Variants in PTPRT observed in about 807,000 individuals in gnomAD.
PTPRT encodes receptor-type tyrosine-protein phosphatase T.
Under a neutral mutation model 176.8 loss-of-function variants are expected in PTPRT, and 56 were observed. The observed-to-expected ratio is 0.32, with a 90% CI of 0.26 to 0.40. The LOEUF is 0.40. Ranked by LOEUF, PTPRT falls within the 10% of genes least tolerant of loss-of-function variation. The pLI, the probability that PTPRT is intolerant of heterozygous loss-of-function variation, is 1.00. For missense variants in PTPRT, 1,540 were observed against 1,908.2 expected (o/e 0.81, Z 3.60); for synonymous variants, 783 against 739.0 (o/e 1.06, Z -0.96).
chr20:43,022,179 A>C (rs1288059416), intron 1 of PTPRT, among the ~76,000 whole-genome samples: 2 of 152,242 alleles, frequency 1.3e-5, no homozygotes, highest in Admixed American at 6.5e-5. Flanking sequence ...CGAAGAATGC[A>C]TATTGGGTAA....
Position 42,784,418 on chromosome 20 carries a change from T to C in PTPRT, c.487-4119A>G, listed in dbSNP as rs577443366. Among the ~76,000 whole-genome samples the C allele has an allele frequency of 6.6e-5, 10 of 152,298 alleles. No homozygotes were observed. In the East Asian group the frequency reaches 1.9e-3, roughly 29 times the overall value. The stretch of plus-strand genomic sequence containing the variant: ...TAGAACATAAATATACATGTTTTCA[T>C]GGGGAGAGATTGTTTAGGGTAAAAT... On this transcript the variant is annotated intron_variant, in intron 3 of 30. Transcript: ENST00000373187.
chr20:42,441,892 G>A (rs760703), intron 9 of PTPRT, among the ~76,000 whole-genome samples: 25,280 of 152,150 alleles, frequency 0.17, 2,727 homozygotes, highest in Non-Finnish European at 0.22. Context: ...CCTAATTAAC[G>A]TAGATCCAGT....
At chr20:43,094,830 C>T (rs1023384866) in intron 1 of PTPRT, among the ~76,000 whole-genome samples, 34 of 152,046 alleles carry the variant, frequency 2.2e-4, no homozygotes, top group Non-Finnish European at 1.5e-5. Flanking sequence ...ATAATGAGTG[C>T]TAATAAATGG....
At chr20:42,654,189 C>G (rs141323026) in intron 7 of PTPRT, among the ~76,000 whole-genome samples, 29 of 152,134 alleles carry the variant, frequency 1.9e-4, no homozygotes, top group Admixed American at 1.1e-3. Flanking sequence ...GGGATGCTCC[C>G]CATTGCTGTC....
intron 7 of PTPRT, among the ~76,000 whole-genome samples, chr20:42,514,186 G>T (rs1286629669): frequency 6.6e-6 from 1 of 152,086 alleles, no homozygotes; most frequent in African/African-American, 2.4e-5. Flanking sequence ...TTCATCTTTT[G>T]CTTTATAATA....
At chr20:42,270,393 T>C in intron 13 of PTPRT, 1 of 1,542,886 alleles carries the variant, frequency 6.5e-7, no homozygotes, top group Non-Finnish European at 8.8e-7. Flanking sequence ...GCTCTGGTGA[T>C]CACCTGTGGT....
chr20:42,260,615 G>C (rs1271900762), intron 13 of PTPRT, among the ~76,000 whole-genome samples: 5 of 152,132 alleles, frequency 3.3e-5, no homozygotes, highest in African/African-American at 4.8e-5. Context: ...GGCAGCAATG[G>C]GCCAAGGAGA....
chr20:42,988,999 A>G (rs1199556074), intron 1 of PTPRT, among the ~76,000 whole-genome samples: 2 of 152,248 alleles, frequency 1.3e-5, no homozygotes, highest in African/African-American at 4.8e-5. Context: ...CCTTTATCAT[A>G]AGGTCTCAGG....
At chr20:42,493,466 T>C (rs6124466) in intron 7 of PTPRT, among the ~76,000 whole-genome samples, 18,925 of 152,092 alleles carry the variant, frequency 0.12, 1,404 homozygotes, top group Non-Finnish European at 0.17. Flanking sequence ...GCACAGTACG[T>C]CAGTGATCTT....
At chr20:42,164,542 A>T (rs1049418920) in intron 16 of PTPRT, among the ~76,000 whole-genome samples, 6 of 152,188 alleles carry the variant, frequency 3.9e-5, no homozygotes, top group African/African-American at 1.4e-4. Context: ...CCCTTTCCAA[A>T]GTATCTTACC....
chr20:42,621,534 C>T (rs1387074823), intron 7 of PTPRT, among the ~76,000 whole-genome samples: 3 of 152,190 alleles, frequency 2.0e-5, no homozygotes, highest in African/African-American at 4.8e-5. Flanking sequence ...CTTAAGGGGC[C>T]GCTTGGCAAG....
chr20:43,158,588 C>T (rs2014594179), intron 1 of PTPRT, among the ~76,000 whole-genome samples: 3 of 152,294 alleles, frequency 2.0e-5, no homozygotes, highest in Admixed American at 6.5e-5. Flanking sequence ...CCCATCAAAA[C>T]TTCCTATGAC....
At chr20:42,648,807 TTTTGGTGTCGTTG>T (rs1449517677) in intron 7 of PTPRT, among the ~76,000 whole-genome samples, 3 of 145,048 alleles carry the variant, frequency 2.1e-5, no homozygotes, top group African/African-American at 7.7e-5. Flanking sequence ...GGATTTTTTT[TTTTGGTGTCGTTG>T]TTTTTTTTTT....
At chr20:42,173,343 G>T (rs1990154871) in intron 16 of PTPRT, among the ~76,000 whole-genome samples, 1 of 152,154 alleles carries the variant, frequency 6.6e-6, no homozygotes, top group Non-Finnish European at 1.5e-5. Flanking sequence ...TGGGGAGTGT[G>T]TGTATCCTGG....
At chr20:42,733,808 C>A (rs532645647) in intron 6 of PTPRT, among the ~76,000 whole-genome samples, 15 of 152,334 alleles carry the variant, frequency 9.8e-5, no homozygotes, top group African/African-American at 3.4e-4. Context: ...GTCCTCTGGG[C>A]TCATAACACA....
At chr20:43,179,123 T>C (rs2015187905) in intron 1 of PTPRT, among the ~76,000 whole-genome samples, 1 of 152,228 alleles carries the variant, frequency 6.6e-6, no homozygotes, top group Admixed American at 6.5e-5. Context: ...ATTTAGATTC[T>C]GACAAAACAT....
At chr20:42,430,109 G>C (rs2059202550) in intron 9 of PTPRT, among the ~76,000 whole-genome samples, 1 of 152,222 alleles carries the variant, frequency 6.6e-6, no homozygotes, top group Non-Finnish European at 1.5e-5. Flanking sequence ...TCTCTTCAGG[G>C]AGGGAAGTGT....
chr20:42,804,120 C>T (rs16987425), intron 2 of PTPRT, among the ~76,000 whole-genome samples: 12,281 of 152,172 alleles, frequency 0.081, 510 homozygotes, highest in South Asian at 0.18. Flanking sequence ...TCAACTGAGG[C>T]CTCTTGAAAT....
chr20:42,797,142 A>G (rs1181724951), intron 2 of PTPRT, among the ~76,000 whole-genome samples: 1 of 152,174 alleles, frequency 6.6e-6, no homozygotes, highest in Non-Finnish European at 1.5e-5. Flanking sequence ...GAGGCAGAGT[A>G]AAATCTGCTG....
Sources: allele counts gnomAD v4.1 joint callset (sites outside exome capture counted in the v4.1 genomes callset), GRCh38; gene constraint gnomAD v4.1.1; transcripts MANE v1.5; gene names NCBI Gene and HGNC (gene_info 2026-07-23, HGNC 2026-07-21).